CKM: variants seen among roughly 807,000 people sequenced by gnomAD.
The protein encoded by CKM is creatine kinase M-type.
CKM carries 28 observed loss-of-function variants against 35.4 expected under a neutral mutation model. The ratio of observed to expected loss-of-function variants is 0.79; its 90% CI spans 0.59 to 1.08. The LOEUF (loss-of-function observed/expected upper bound fraction) is 1.08, where lower values mean the gene tolerates loss of function less well. Ranked by LOEUF, CKM falls within the 50% of genes least tolerant of loss-of-function variation. CKM has a pLI of 0.00. For missense variants in CKM, 484 were observed against 509.8 expected, an observed-to-expected ratio of 0.95 and a Z score of 0.49; for synonymous variants, 215 against 204.4, an observed-to-expected ratio of 1.05 and a Z score of -0.44.
chr19:45,313,480 T>C (rs1418124335), intron 4 of CKM, among the ~76,000 whole-genome samples: 2 of 152,178 alleles, frequency 1.3e-5, no homozygotes, highest in Non-Finnish European at 2.9e-5. Flanking sequence ...ATCAGGCCAA[T>C]TCAGTTCATA....
Position 45,311,104 on chromosome 19 carries a change from G to A in CKM, c.653+645C>T, listed in dbSNP as rs191986198. On this transcript the variant is annotated intron_variant, in intron 5 of 7. Coordinates refer to ENST00000221476, the MANE Select transcript of CKM (RefSeq NM_001824.5). Reference sequence around the variant, plus strand: ...TTTTTTTTTTTTTAATTTTTGTAGCGACGTGGTCTCCCTATGTTGCCCAGG... The same window carrying A: ...TTTTTTTTTTTTTAATTTTTGTAGCAACGTGGTCTCCCTATGTTGCCCAGG... Among the ~76,000 whole-genome samples the A allele has an allele frequency of 4.9e-4, 72 of 147,040 alleles. No individual in the cohort carries two copies. The East Asian group carries it at 0.013, about 26-fold the overall frequency.
chr19:45,319,380 G>A (rs1971189253), intron 2 of CKM, 141 bp downstream of exon 2: 1 of 673,306 alleles, frequency 1.5e-6, no homozygotes, highest in Non-Finnish European at 2.7e-6. Context: ...GTATATTAAT[G>A]CATTGATTCC....
At chr19:45,308,658 A>T in intron 5 of CKM, 126 bp from the exon 6 acceptor site, 6 of 1,209,810 alleles carry the variant, frequency 5.0e-6, no homozygotes, top group Non-Finnish European at 7.3e-6. Flanking sequence ...GGTGGGTGGC[A>T]TCTGCCTCCT....
intron 5 of CKM, 32 bp from the exon 6 acceptor site, chr19:45,308,564 G>A: frequency 6.2e-7 from 1 of 1,613,746 alleles, no homozygotes; most frequent in Non-Finnish European, 8.5e-7. Context: ...AGAGGCCAAG[G>A]TGTCAGCCCC....
intron 3 of CKM, among the ~76,000 whole-genome samples, 157 bp from the exon 4 acceptor site, chr19:45,315,754 C>T (rs1173717103): frequency 6.6e-6 from 1 of 152,086 alleles, no homozygotes; most frequent in Non-Finnish European, 1.5e-5. Flanking sequence ...GCCACCCATA[C>T]CTGGGCTCTG....
At chr19:45,315,372 A>C (rs1453930996) in intron 4 of CKM, 93 bp downstream of exon 4, 15 of 1,436,022 alleles carry the variant, frequency 1.0e-5, no homozygotes, top group Non-Finnish European at 1.4e-5. Flanking sequence ...CTACTTTGAA[A>C]AGCGGGGGCC....
In CKM at chr19:45,317,821, C is replaced by G. The variant is rs751750281; in HGVS notation, c.348+4G>C. The G allele has an allele frequency of 2.5e-6, 4 of 1,613,876 alleles. No homozygotes were observed. The highest frequency in any genetic ancestry group is 4.5e-5 in the East Asian group (2 of 44,878). On this transcript the variant is annotated splice_donor_region_variant and intron_variant, in intron 3 of 7. Coordinates refer to ENST00000221476, the MANE Select transcript of CKM (RefSeq NM_001824.5). Reference sequence around the variant, plus strand: ...CGGCCCTCCCCTCCTGCGCAGACACCGACCTTGAGGTTTTCATGGTTGAGG... The same window carrying G: ...CGGCCCTCCCCTCCTGCGCAGACACGGACCTTGAGGTTTTCATGGTTGAGG...
chr19:45,314,135 G>T (rs1314922896), intron 4 of CKM, among the ~76,000 whole-genome samples: 3 of 146,160 alleles, frequency 2.1e-5, no homozygotes, highest in Non-Finnish European at 4.5e-5. Flanking sequence ...GGAAGGGAGG[G>T]AGGGAAGGAA....
chr19:45,308,872 AATCTTCCC>A (rs1171654083), intron 5 of CKM, among the ~76,000 whole-genome samples: 1 of 152,156 alleles, frequency 6.6e-6, no homozygotes, highest in African/African-American at 2.4e-5. Context: ...AGGACCAGAA[AATCTTCCC>A]ATCGTAGTGT....
chr19:45,321,520 A>T (rs1971213456), intron 1 of CKM, among the ~76,000 whole-genome samples: 1 of 152,136 alleles, frequency 6.6e-6, no homozygotes, highest in African/African-American at 2.4e-5. Context: ...CCTGCCCCGT[A>T]GGATTGCCAG....
In CKM at chr19:45,306,774, G is replaced by A; in HGVS notation, c.1122C>T (p.Asp374=). The change falls in exon 8 of 8, where the codon GAC becomes GAT. Residue 374 remains aspartate, a synonymous_variant. Coordinates refer to ENST00000221476, the MANE Select transcript of CKM (RefSeq NM_001824.5). This position sits in a 1 kb window ranked among gnomAD's most constrained non-coding sequence, Gnocchi z 4.5. ...EKKLEKGQSI[D]DMIPAQK is the part of the protein sequence containing the mutation. ...CCTACTTCTGGGCGGGGATCATGTC[G>A]TCAATGGACTGGCCTTTCTCCAACT... 1 of 1,614,184 alleles carries A rather than the reference G, an allele frequency of 6.2e-7. No individual in the cohort carries two copies. Among genetic ancestry groups the A allele is most frequent in the South Asian group, 1.1e-5 (1 of 91,082 alleles).
intron 6 of CKM, among the ~76,000 whole-genome samples, chr19:45,308,008 C>T (rs995637764): frequency 1.3e-5 from 2 of 151,900 alleles, no homozygotes; most frequent in Non-Finnish European, 2.9e-5. Context: ...GGACTACAGG[C>T]GCGCGCCACT....
intron 4 of CKM, among the ~76,000 whole-genome samples, chr19:45,313,459 A>G (rs1971128640): frequency 6.6e-6 from 1 of 152,160 alleles, no homozygotes; most frequent in Non-Finnish European, 1.5e-5. Flanking sequence ...CCTGAGACAC[A>G]TGATTTTGAA....
At chr19:45,316,505 G>A (rs536185767) in intron 3 of CKM, among the ~76,000 whole-genome samples, 6 of 150,878 alleles carry the variant, frequency 4.0e-5, no homozygotes, top group African/African-American at 1.5e-4. Flanking sequence ...GGGCAGAGAC[G>A]GGTTCTTGCT....
At chr19:45,311,710 TGG>T in intron 5 of CKM, 37 bp downstream of exon 5, 1 of 1,519,794 alleles carries the variant, frequency 6.6e-7, no homozygotes, top group Non-Finnish European at 8.8e-7. Context: ...TGGAGGAGGC[TGG>T]GGGAAGAGGA....
At chr19:45,314,423 TTTTTTTTTGAGATGGAGTCA>T in intron 4 of CKM, among the ~76,000 whole-genome samples, 1 of 151,478 alleles carries the variant, frequency 6.6e-6, no homozygotes, top group East Asian at 1.9e-4. Flanking sequence ...AAACATAACT[TTTTTTTTTGAGATGGAGTCA>T]CACTCTGTCC....
intron 2 of CKM, among the ~76,000 whole-genome samples, 171 bp downstream of exon 2, chr19:45,319,350 G>A (rs565883980): frequency 3.0e-4 from 45 of 152,224 alleles, no homozygotes; most frequent in African/African-American, 7.2e-4. Flanking sequence ...TGAGTACCTC[G>A]CACTGTCCCA....
chr19:45,312,332 G>A (rs569445578), intron 4 of CKM, among the ~76,000 whole-genome samples: 16 of 152,286 alleles, frequency 1.1e-4, no homozygotes, highest in Non-Finnish European at 1.9e-4. Context: ...GCACGAGCCT[G>A]TAGTCCAGAT....
chr19:45,316,201 G>A (rs983006014), intron 3 of CKM, among the ~76,000 whole-genome samples: 7 of 151,570 alleles, frequency 4.6e-5, no homozygotes, highest in East Asian at 2.0e-4. Flanking sequence ...GTGGTGGTGC[G>A]CGCCTGTAAT....
Sources: allele counts gnomAD v4.1 joint callset (sites outside exome capture counted in the v4.1 genomes callset), GRCh38; gene constraint gnomAD v4.1.1; non-coding constraint Gnocchi (gnomAD v3.1); transcripts MANE v1.5; gene names NCBI Gene and HGNC (gene_info 2026-07-23, HGNC 2026-07-21).